TTC23: variants seen among roughly 807,000 people sequenced by gnomAD.
TTC23 encodes tetratricopeptide repeat protein 23.
Under a neutral mutation model 55.1 loss-of-function variants are expected in TTC23, and 58 were observed. That is an observed-to-expected ratio of 1.05 (90% confidence interval 0.85 to 1.31). TTC23 has a LOEUF of 1.31. Among genes scored for constraint, TTC23 ranks in the 50% most tolerant of loss-of-function variants. The pLI, the probability that TTC23 is intolerant of heterozygous loss-of-function variation, is 0.00. For missense variants in TTC23, 516 were observed against 534.4 expected (o/e 0.97, Z 0.34); for synonymous variants, 203 against 199.9 (o/e 1.02, Z -0.13).
At chr15:99,174,987 G>C in intron 10 of TTC23, 63 bp downstream of exon 10, 3 of 1,476,870 alleles carry the variant, frequency 2.0e-6, no homozygotes, top group Non-Finnish European at 2.8e-6. Flanking sequence ...AACCCATCTA[G>C]AAGGCAGCTC....
At chr15:99,224,525 C>T (rs188725059) in intron 5 of TTC23, among the ~76,000 whole-genome samples, 4 of 152,334 alleles carry the variant, frequency 2.6e-5, no homozygotes, top group African/African-American at 9.6e-5. Context: ...AACTGCATTA[C>T]TCAATCCACT....
intron 10 of TTC23, among the ~76,000 whole-genome samples, chr15:99,171,678 T>C (rs2072958623): frequency 6.7e-6 from 1 of 148,636 alleles, no homozygotes; most frequent in Non-Finnish European, 1.5e-5. Context: ...TTCTCATGCC[T>C]CAGCCTCCCG....
At chr15:99,222,178 C>T (rs1203809480) in intron 5 of TTC23, among the ~76,000 whole-genome samples, 2 of 152,160 alleles carry the variant, frequency 1.3e-5, no homozygotes, top group Non-Finnish European at 2.9e-5. Flanking sequence ...CTCTAGGTTT[C>T]CCAGCTGCCC....
intron 8 of TTC23, among the ~76,000 whole-genome samples, chr15:99,211,577 TGG>T (rs2077043266): frequency 6.6e-6 from 1 of 152,150 alleles, no homozygotes; most frequent in African/African-American, 2.4e-5. Context: ...AAATCACCTC[TGG>T]GATGAAACAG....
In TTC23 at chr15:99,137,658, G is replaced by A. The variant is rs2067698171; in HGVS notation, c.*352C>T. 1 of 235,666 alleles carries A rather than the reference G, an allele frequency of 4.2e-6. No individual in the cohort carries two copies. The highest frequency in any genetic ancestry group is 2.2e-5 in the African/African-American group (1 of 45,168). 14.6% of individuals were successfully genotyped at this position (235,666 alleles called of 1,614,324 possible). On this transcript the variant is annotated 3_prime_UTR_variant, in exon 14 of 14. Transcript: ENST00000394132. ...AGATCTAACTCCACACCTATGCAAG[G>A]AGCTGTGTGTACAAGCAGATGCCGG...
At chr15:99,229,200 A>G (rs975079104) in intron 4 of TTC23, among the ~76,000 whole-genome samples, 3 of 152,060 alleles carry the variant, frequency 2.0e-5, no homozygotes, top group Admixed American at 6.6e-5. Context: ...ACAGCTCTCA[A>G]TGACCCCAGA....
intron 6 of TTC23, 88 bp from the exon 7 acceptor site, chr15:99,219,136 GTC>G: frequency 6.9e-7 from 1 of 1,455,996 alleles, no homozygotes; most frequent in African/African-American, 1.4e-5. Context: ...ATCTAACAAG[GTC>G]TCCTTCACAT....
At chr15:99,139,806 A>G (rs2068017074) in intron 12 of TTC23, 1 of 1,210,968 alleles carries the variant, frequency 8.3e-7, no homozygotes, top group African/African-American at 1.6e-5. Flanking sequence ...ACTTTTATTA[A>G]TATATAGGCT....
intron 5 of TTC23, among the ~76,000 whole-genome samples, chr15:99,222,872 C>T (rs531751854): frequency 5.6e-4 from 85 of 152,254 alleles, no homozygotes; most frequent in African/African-American, 1.9e-3. Context: ...TGGCGGCCGC[C>T]CGTAGTCCCA....
chr15:99,195,988 T>C (rs1171413106), intron 9 of TTC23, among the ~76,000 whole-genome samples: 3 of 151,708 alleles, frequency 2.0e-5, no homozygotes, highest in African/African-American at 7.3e-5. Context: ...ACCCTGTCTC[T>C]ACTAAAAATA....
intron 5 of TTC23, 79 bp from the exon 6 acceptor site, chr15:99,221,943 C>T: frequency 1.3e-6 from 2 of 1,523,884 alleles, no homozygotes; most frequent in Non-Finnish European, 1.8e-6. Flanking sequence ...CTTTTATATC[C>T]CTTTGATAAA....
At chr15:99,154,727 G>A (rs574522247) in intron 12 of TTC23, among the ~76,000 whole-genome samples, 1 of 152,178 alleles carries the variant, frequency 6.6e-6, no homozygotes, top group Non-Finnish European at 1.5e-5. Flanking sequence ...CACTGATGCT[G>A]AAAAAGCCTT....
chr15:99,227,591 C>G (rs998054566), intron 5 of TTC23, among the ~76,000 whole-genome samples: 2 of 152,174 alleles, frequency 1.3e-5, no homozygotes, highest in Admixed American at 6.5e-5. Flanking sequence ...CCTCCATCAT[C>G]TTTAGGAGAA....
At chr15:99,193,030 GT>G (rs1278513834) in intron 9 of TTC23, among the ~76,000 whole-genome samples, 1 of 152,150 alleles carries the variant, frequency 6.6e-6, no homozygotes, top group African/African-American at 2.4e-5. Flanking sequence ...TAGCCCCTTT[GT>G]TTTGGCCAAT....
intron 5 of TTC23, among the ~76,000 whole-genome samples, chr15:99,223,118 C>T (rs2861374): frequency 0.019 from 2,902 of 152,170 alleles, 87 homozygotes; most frequent in African/African-American, 0.066. Context: ...GCCAATAGAA[C>T]GTGGAGGAAA....
At chr15:99,233,683 A>T (rs1453166066) in intron 4 of TTC23, among the ~76,000 whole-genome samples, 1 of 152,222 alleles carries the variant, frequency 6.6e-6, no homozygotes, top group East Asian at 1.9e-4. Context: ...GATCAGAAAC[A>T]AGACAAGAAG....
chr15:99,147,643 TTTAAGCA>T (rs2069110356), intron 12 of TTC23, among the ~76,000 whole-genome samples: 1 of 152,236 alleles, frequency 6.6e-6, no homozygotes, highest in African/African-American at 2.4e-5. Context: ...TTGAAGAGTC[TTTAAGCA>T]CACTTCTCAA....
At chr15:99,228,971 C>T (rs997991571) in intron 4 of TTC23, among the ~76,000 whole-genome samples, 18 of 98,784 alleles carry the variant, frequency 1.8e-4, no homozygotes, top group African/African-American at 6.1e-4. Flanking sequence ...CATACATACA[C>T]ATGTATATAA....
intron 12 of TTC23, among the ~76,000 whole-genome samples, chr15:99,151,715 G>A: frequency 6.6e-6 from 1 of 152,178 alleles, no homozygotes; most frequent in East Asian, 1.9e-4. Flanking sequence ...TCCCCACTGT[G>A]CCATTCGCTT....
Sources: gnomAD v4.1 joint callset for allele counts (sites outside exome capture counted in the v4.1 genomes callset) on GRCh38, gnomAD v4.1.1 for gene constraint, MANE v1.5 for transcripts, NCBI Gene and HGNC (gene_info 2026-07-23, HGNC 2026-07-21) for gene names.